PCDH15: variants seen among roughly 807,000 people sequenced by gnomAD.
The protein encoded by PCDH15 is protocadherin related 15.
Under a neutral mutation model 178.5 loss-of-function variants are expected in PCDH15, and 129 were observed. The observed-to-expected ratio is 0.72, with a 90% CI of 0.63 to 0.84. PCDH15 has a LOEUF of 0.84. Among genes scored for constraint, PCDH15 ranks in the 40% least tolerant of loss-of-function variants. The pLI is 0.00. For missense variants in PCDH15, 2,230 were observed against 2,099.9 expected (o/e 1.06, Z -1.21); for synonymous variants, 800 against 732.0 (o/e 1.09, Z -1.50).
intron 2 of PCDH15, among the ~76,000 whole-genome samples, chr10:55,134,325 C>A (rs1163964086): frequency 6.6e-6 from 1 of 152,122 alleles, no homozygotes; most frequent in Non-Finnish European, 1.5e-5. Context: ...AATATTTGCC[C>A]AAGTATTATT....
chr10:54,245,351 A>G (rs2131984816), intron 8 of PCDH15, among the ~76,000 whole-genome samples: 1 of 152,294 alleles, frequency 6.6e-6, no homozygotes. Flanking sequence ...TATGTGTAAT[A>G]AATGTGAAAG....
chr10:53,995,438 C>T, intron 21 of PCDH15: 1 of 794,292 alleles, frequency 1.3e-6, no homozygotes, highest in Non-Finnish European at 1.9e-6. Context: ...TCTAGAAAAA[C>T]AAAAAGCATA....
intron 2 of PCDH15, among the ~76,000 whole-genome samples, chr10:55,410,252 T>C (rs763539270): frequency 6.6e-6 from 1 of 152,262 alleles, no homozygotes; most frequent in Non-Finnish European, 1.5e-5. Flanking sequence ...TTGATCATAT[T>C]TGAACACTGT....
chr10:54,186,746 A>G (rs1329964709), intron 11 of PCDH15, among the ~76,000 whole-genome samples: 1 of 152,008 alleles, frequency 6.6e-6, no homozygotes, highest in Non-Finnish European at 1.5e-5. Context: ...CAGGCACTTC[A>G]GTTGTTTCCA....
At chr10:53,842,326 G>T (rs1038213040) in intron 28 of PCDH15, among the ~76,000 whole-genome samples, 2 of 151,982 alleles carry the variant, frequency 1.3e-5, no homozygotes, top group Non-Finnish European at 2.9e-5. Context: ...GGGCAATCTC[G>T]GCTCACTGCA....
chr10:54,498,578 T>C (rs767536588), intron 3 of PCDH15, among the ~76,000 whole-genome samples: 6 of 151,778 alleles, frequency 4.0e-5, no homozygotes, highest in Non-Finnish European at 7.4e-5. Context: ...AGGCTCTAAG[T>C]AAAGGAATGA....
At chr10:54,629,200 T>A (rs1407589653) in intron 2 of PCDH15, among the ~76,000 whole-genome samples, 1 of 152,186 alleles carries the variant, frequency 6.6e-6, no homozygotes, top group Non-Finnish European at 1.5e-5. Flanking sequence ...ATCATTTTTG[T>A]ACTTGGCAAT....
At chr10:54,136,538 T>A (rs2042919283) in intron 14 of PCDH15, among the ~76,000 whole-genome samples, 1 of 152,174 alleles carries the variant, frequency 6.6e-6, no homozygotes, top group Non-Finnish European at 1.5e-5. Flanking sequence ...TACAAGAATA[T>A]CAGTGTCTTA....
chr10:55,105,886 G>C (rs1359906858), intron 2 of PCDH15, among the ~76,000 whole-genome samples: 3 of 152,058 alleles, frequency 2.0e-5, no homozygotes, highest in Admixed American at 6.6e-5. Flanking sequence ...CACATAAAAA[G>C]AGGAAATCCT....
chr10:54,677,893 C>T (rs192756647), intron 1 of PCDH15, among the ~76,000 whole-genome samples: 52 of 152,236 alleles, frequency 3.4e-4, no homozygotes, highest in African/African-American at 1.0e-3. Context: ...TCTCTCCATA[C>T]GCATTTAGGA....
At chr10:54,109,283 C>T (rs2094971733) in intron 15 of PCDH15, among the ~76,000 whole-genome samples, 1 of 152,128 alleles carries the variant, frequency 6.6e-6, no homozygotes, top group African/African-American at 2.4e-5. Context: ...GCTATCTGCA[C>T]TCCGTGTTTA....
intron 1 of PCDH15, among the ~76,000 whole-genome samples, chr10:54,764,749 T>C (rs1948302812): frequency 1.3e-5 from 2 of 152,090 alleles, no homozygotes; most frequent in Admixed American, 6.6e-5. Flanking sequence ...CTTCTGAGTA[T>C]ATGTCAGGGA....
chr10:55,296,944 T>C (rs1379131533), intron 1 of PCDH15, among the ~76,000 whole-genome samples: 1 of 152,144 alleles, frequency 6.6e-6, no homozygotes, highest in Non-Finnish European at 1.5e-5. Context: ...AATTGTATAA[T>C]TGTATTTTAT....
In PCDH15 at chr10:54,079,387, C is replaced by T. The variant is rs2094399503; in HGVS notation, c.2035G>A (p.Glu679Lys). Residue 679 changes from glutamate to lysine, a missense_variant, in exon 17 of 38, where the codon GAA becomes AAA. Physicochemically the swap from Glu to Lys is moderately conservative, Grantham distance 56. Transcript: ENST00000644397. ...ILTLGKALDR[E>K]STDRYILIIT... ...ATCAGAATGTAGCGATCAGTGCTTT[C>T]CCTGTCCAGTGCTTTCCCTAAGGTT... 1 of 1,614,084 alleles carries T rather than the reference C, an allele frequency of 6.2e-7. No homozygotes were observed. The highest frequency in any genetic ancestry group is 1.1e-5 in the South Asian group (1 of 91,076).
At chr10:54,492,640 A>C (rs543818391) in intron 3 of PCDH15, among the ~76,000 whole-genome samples, 2 of 152,240 alleles carry the variant, frequency 1.3e-5, no homozygotes, top group South Asian at 4.1e-4. Context: ...AAAATCTGTT[A>C]CACCTCTCCA....
intron 1 of PCDH15, among the ~76,000 whole-genome samples, chr10:55,208,342 C>T (rs1840461851): frequency 6.6e-6 from 1 of 152,042 alleles, no homozygotes; most frequent in Admixed American, 6.5e-5. Context: ...GTTATCTCCA[C>T]AAGTATGATC....
chr10:54,136,539 C>T (rs930962842), intron 14 of PCDH15, among the ~76,000 whole-genome samples: 1 of 152,040 alleles, frequency 6.6e-6, no homozygotes, highest in Non-Finnish European at 1.5e-5. Flanking sequence ...ACAAGAATAT[C>T]AGTGTCTTAA....
chr10:54,958,670 T>C (rs1262546641), intron 2 of PCDH15, among the ~76,000 whole-genome samples: 1 of 151,648 alleles, frequency 6.6e-6, no homozygotes, highest in Non-Finnish European at 1.5e-5. Context: ...TACAACTTAC[T>C]ATACAAAATA....
chr10:55,190,932 G>A (rs900217252), intron 1 of PCDH15, among the ~76,000 whole-genome samples: 2 of 151,522 alleles, frequency 1.3e-5, no homozygotes, highest in African/African-American at 2.4e-5. Flanking sequence ...AGAAATGAAG[G>A]TCAGATGCAG....
Sources: gnomAD v4.1 joint callset for allele counts (sites outside exome capture counted in the v4.1 genomes callset) on GRCh38, gnomAD v4.1.1 for gene constraint, MANE v1.5 for transcripts, NCBI Gene and HGNC (gene_info 2026-07-23, HGNC 2026-07-21) for gene names.